MYCBPAP: variants seen among roughly 807,000 people sequenced by gnomAD.
MYCBPAP encodes the protein MYCBP associated protein.
In MYCBPAP, 60 loss-of-function variants were observed where a neutral mutation model predicts 106.1. That is an observed-to-expected ratio of 0.57 (90% CI 0.46 to 0.70). MYCBPAP has a LOEUF of 0.70. Among genes scored for constraint, MYCBPAP ranks in the 30% least tolerant of loss-of-function variants. The probability of loss-of-function intolerance (pLI) is 0.00; values close to 1 mark genes in which losing one functional copy is unlikely to be tolerated. For missense variants in MYCBPAP, 1,064 were observed against 1,169.3 expected (o/e 0.91, Z 1.31); for synonymous variants, 407 against 440.6 (o/e 0.92, Z 0.95).
chr17:50,522,154 C>CCT, intron 10 of MYCBPAP, 73 bp downstream of exon 10: 2 of 1,243,924 alleles, frequency 1.6e-6, no homozygotes, highest in Non-Finnish European at 2.3e-6. Flanking sequence ...CTGGCAGTTA[C>CCT]CAGCAGCCTG....
At chr17:50,528,554 G>C in intron 16 of MYCBPAP, 141 bp from the exon 17 acceptor site, 1 of 1,123,082 alleles carries the variant, frequency 8.9e-7, no homozygotes, top group Non-Finnish European at 1.3e-6. Context: ...CCACAGTCCT[G>C]TTTCATGAAG....
rs181155812 is a variant in MYCBPAP, at chr17:50,531,316, C to T, written c.2725-11C>T. 2.4e-5 allele frequency: 39 copies of T among 1,600,456 alleles called. No individual in the cohort carries two copies. The highest frequency in any genetic ancestry group is 6.7e-5 in the African/African-American group (5 of 74,420). ...GTAAACTCTGCCTGTGATGTTGTCC[C>T]GTTCTTCCAGGTCCGTGGGCTGCTG... On this transcript the variant is annotated splice_polypyrimidine_tract_variant and intron_variant, in intron 18 of 18. Transcript: ENST00000323776.
At chr17:50,514,304 T>C (rs1258156951) in intron 1 of MYCBPAP, among the ~76,000 whole-genome samples, 3 of 152,228 alleles carry the variant, frequency 2.0e-5, no homozygotes, top group Non-Finnish European at 2.9e-5. Context: ...ACACCTGCCT[T>C]TATGTTTTCG....
At chr17:50,518,916 C>T (rs570196769) in intron 5 of MYCBPAP, 58 bp from the exon 6 acceptor site, 25 of 1,538,640 alleles carry the variant, frequency 1.6e-5, no homozygotes, top group Middle Eastern at 1.7e-4. Context: ...TGCAGACTGC[C>T]AAGGCCCCTG....
chr17:50,531,448 T>C lies in MYCBPAP; in HGVS notation c.*20T>C. ...AGGTGACTCTCGGGCCCAAGCAACC[T>C]TCTGGAAAACGGGTTAATAAATAAA... On this transcript the variant is annotated 3_prime_UTR_variant, in exon 19 of 19. Coordinates refer to ENST00000323776, the MANE Select transcript of MYCBPAP (RefSeq NM_032133.6). 1 of 1,568,424 alleles carries C rather than the reference T, an allele frequency of 6.4e-7. No homozygotes were observed. Among genetic ancestry groups the C allele is most frequent in the South Asian group, 1.2e-5 (1 of 85,748 alleles).
Position 50,518,631 on chromosome 17 carries a change from A to G in MYCBPAP, c.559A>G (p.Arg187Gly). The G allele has an allele frequency of 6.2e-7, 1 of 1,611,636 alleles. No individual in the cohort carries two copies. Among genetic ancestry groups the G allele is most frequent in the Non-Finnish European group, 8.5e-7 (1 of 1,179,222 alleles). Residue 187 changes from arginine to glycine, a missense_variant, in exon 5 of 19, where the codon AGA becomes GGA. Coordinates refer to ENST00000323776, the MANE Select transcript of MYCBPAP (RefSeq NM_032133.6). ...GCAAAAAGCCCCAAAAGAAGAGAAG[A>G]GACCTCCCTGGGCCCCACCTCCTCA... ...SKQKAPKEEK[R>G]PPWAPPPQHN...
At chr17:50,510,500 T>TGTGTGTGC (rs1491135053) in intron 1 of MYCBPAP, 1 of 48,654 alleles carries the variant, frequency 2.1e-5, no homozygotes, top group African/African-American at 9.4e-5. Flanking sequence ...TGTGTGTGTG[T>TGTGTGTGC]ATATATATAT....
At chr17:50,522,795 C>G (rs1034763327) in intron 10 of MYCBPAP, 144 bp from the exon 11 acceptor site, 2 of 638,104 alleles carry the variant, frequency 3.1e-6, no homozygotes, top group Middle Eastern at 4.3e-4. Flanking sequence ...GGATACCACT[C>G]TGTGTGACAG....
At chr17:50,517,926 G>T (rs1395832507) in intron 4 of MYCBPAP, among the ~76,000 whole-genome samples, 1 of 152,228 alleles carries the variant, frequency 6.6e-6, no homozygotes, top group Non-Finnish European at 1.5e-5. Context: ...TTGCCTCATG[G>T]AACCCAAAGG....
chr17:50,524,906 C>T lies in MYCBPAP; in HGVS notation c.1665C>T (p.Thr555=), dbSNP rs757929657. The T allele has an allele frequency of 6.8e-6, 11 of 1,613,930 alleles. No homozygotes were observed. The highest frequency in any genetic ancestry group is 3.3e-5 in the Admixed American group (2 of 60,014). The change falls in exon 13 of 19, where the codon ACC becomes ACT. Residue 555 remains threonine, a synonymous_variant. Transcript: ENST00000323776. Reference sequence around the variant, plus strand: ...AGCTGACTGCCCATGAGGCAGTCACCGTCGTTCGCGAAGTGCTGCAGGAGC... The same window carrying T: ...AGCTGACTGCCCATGAGGCAGTCACTGTCGTTCGCGAAGTGCTGCAGGAGC... The part of the protein sequence containing the change: ...ESKLTAHEAV[T]VVREVLQELL...
At chr17:50,512,320 CTGGGATTACAGGCG>C (rs1295178197) in intron 1 of MYCBPAP, among the ~76,000 whole-genome samples, 1 of 152,200 alleles carries the variant, frequency 6.6e-6, no homozygotes. Context: ...TCCCAAAGTG[CTGGGATTACAGGCG>C]TGAGCCACCG....
chr17:50,513,248 A>G (rs1597821504), intron 1 of MYCBPAP, among the ~76,000 whole-genome samples: 1 of 142,376 alleles, frequency 7.0e-6, no homozygotes. Context: ...AAAGCTGGGC[A>G]TGGTGGCGCA....
In MYCBPAP at chr17:50,522,023, C is replaced by T; in HGVS notation, c.1199C>T (p.Ser400Phe). 6.2e-7 allele frequency: 1 copy of T among 1,614,106 alleles called. No individual in the cohort carries two copies. The highest frequency in any genetic ancestry group is 1.1e-5 in the South Asian group (1 of 91,086). Residue 400 changes from serine to phenylalanine, a missense_variant, in exon 10 of 19, where the codon TCT (serine) becomes TTT (phenylalanine). Coordinates refer to ENST00000323776, the MANE Select transcript of MYCBPAP (RefSeq NM_032133.6). Reference protein sequence around the residue: ...SDVSMPILGPSLLFCGKPACW... With the variant: ...SDVSMPILGPFLLFCGKPACW... ...GTCTCCATGCCTATTCTCGGCCCTTCTCTGCTGTTCTGTGGGAAGCCAGCT... is the reference window on the plus strand; with the variant it reads ...GTCTCCATGCCTATTCTCGGCCCTTTTCTGCTGTTCTGTGGGAAGCCAGCT...
chr17:50,518,625 G>A lies in MYCBPAP; in HGVS notation c.553G>A (p.Glu185Lys). 1 of 1,611,500 alleles carries A rather than the reference G, an allele frequency of 6.2e-7. No individual in the cohort carries two copies. The highest frequency in any genetic ancestry group is 8.5e-7 in the Non-Finnish European group (1 of 1,179,198). The change falls in exon 5 of 19, where the codon GAG becomes AAG. Residue 185 changes from glutamate (E) to lysine (K), a missense_variant. Glu to Lys is a moderately conservative substitution (Grantham distance 56, BLOSUM62 1). Coordinates refer to ENST00000323776, the MANE Select transcript of MYCBPAP (RefSeq NM_032133.6). ...GESKQKAPKE[E>K]KRPPWAPPPQ... ...GTCAAAGCAAAAAGCCCCAAAAGAA[G>A]AGAAGAGACCTCCCTGGGCCCCACC...
At chr17:50,522,183 T>A in intron 10 of MYCBPAP, 102 bp downstream of exon 10, 1 of 878,348 alleles carries the variant, frequency 1.1e-6, no homozygotes. Context: ...CCTGTTTGGG[T>A]TTTTATCTGG....
intron 7 of MYCBPAP, chr17:50,520,006 C>CCATAT (rs1203171805): frequency 1.9e-6 from 1 of 533,352 alleles, no homozygotes; most frequent in Non-Finnish European, 3.3e-6. Context: ...TGGAGTGCAG[C>CCATAT]CATAGAGCTG....
At chr17:50,518,866 A>G in intron 5 of MYCBPAP, 108 bp from the exon 6 acceptor site, 1 of 1,440,008 alleles carries the variant, frequency 6.9e-7, no homozygotes, top group South Asian at 1.2e-5. Context: ...CTGAAGCTTC[A>G]GTGGATCCTG....
At position 50,519,822 on chromosome 17, in the gene MYCBPAP, G is replaced by A. The variant is rs371994768; in HGVS notation, c.916+35G>A. 62 of 1,601,908 alleles carry A rather than the reference G, an allele frequency of 3.9e-5. No homozygotes were observed. The African/African-American group carries it at 6.8e-4, about 18-fold the overall frequency. On this transcript the variant is annotated intron_variant, in intron 7 of 18. Coordinates refer to ENST00000323776, the MANE Select transcript of MYCBPAP (RefSeq NM_032133.6). ...AGGGCTGTAAGCCAGCTAGCATCTT[G>A]TGCCTGGCCCGGAGGCAGGGTAGTG...
At chr17:50,527,471 G>A (rs914039194) in intron 15 of MYCBPAP, 63 bp downstream of exon 15, 3 of 1,597,742 alleles carry the variant, frequency 1.9e-6, no homozygotes, top group Non-Finnish European at 2.6e-6. Context: ...CAGGGGTCCT[G>A]GGCAGGCAGT....
Sources: gnomAD v4.1 joint callset for allele counts (sites outside exome capture counted in the v4.1 genomes callset) on GRCh38, gnomAD v4.1.1 for gene constraint, MANE v1.5 for transcripts, NCBI Gene and HGNC (gene_info 2026-07-23, HGNC 2026-07-21) for gene names.